The following SDK1 variants were observed in gnomAD, a reference collection of about 807,000 sequenced individuals.
SDK1 encodes protein sidekick-1.
A neutral mutation model predicts 245.5 loss-of-function variants in SDK1; 157 were observed. The ratio of observed to expected loss-of-function variants is 0.64; its 90% CI spans 0.56 to 0.73. SDK1 has a LOEUF of 0.73. Ranked by LOEUF, SDK1 falls within the 30% of genes least tolerant of loss-of-function variation. The pLI is 0.00. For synonymous variants in SDK1, 1,647 were observed against 1,278.5 expected, an observed-to-expected ratio of 1.29 and a Z score of -6.15; for missense variants, 3,583 against 3,002.3, an observed-to-expected ratio of 1.19 and a Z score of -4.52.
intron 22 of SDK1, among the ~76,000 whole-genome samples, chr7:4,090,473 A>G (rs77146473): frequency 0.039 from 5,977 of 152,228 alleles, 360 homozygotes; most frequent in African/African-American, 0.13. Context: ...ATTTTGGGTA[A>G]CAGATTTTAA....
chr7:4,234,192 G>C (rs956876937), intron 41 of SDK1, among the ~76,000 whole-genome samples: 1 of 152,210 alleles, frequency 6.6e-6, no homozygotes, highest in African/African-American at 2.4e-5. Context: ...AAGGTGAGCA[G>C]TATTGCCGTC....
At chr7:4,188,408 C>G (rs1783009233) in intron 35 of SDK1, among the ~76,000 whole-genome samples, 1 of 152,166 alleles carries the variant, frequency 6.6e-6, no homozygotes, top group Non-Finnish European at 1.5e-5. Context: ...GGGCTTTGCT[C>G]AGGGGATTCT....
chr7:3,908,561 C>T (rs1385588286), intron 5 of SDK1, among the ~76,000 whole-genome samples: 2 of 152,104 alleles, frequency 1.3e-5, no homozygotes, highest in African/African-American at 4.8e-5. Context: ...GATGCTTAGC[C>T]CATCTGGTAC....
intron 4 of SDK1, among the ~76,000 whole-genome samples, chr7:3,658,609 CTTTTTTTTTTTT>C (rs71029690): frequency 2.0e-5 from 2 of 101,964 alleles, no homozygotes; most frequent in African/African-American, 3.8e-5. Flanking sequence ...CTACTATCTT[CTTTTTTTTTTTT>C]TTTTTTTTGA....
At chr7:3,411,420 CAT>C (rs1779197052) in intron 1 of SDK1, among the ~76,000 whole-genome samples, 1 of 152,164 alleles carries the variant, frequency 6.6e-6, no homozygotes. Flanking sequence ...GATCCAATAA[CAT>C]AGATGAATCA....
intron 14 of SDK1, among the ~76,000 whole-genome samples, chr7:4,001,915 A>G (rs142263918): frequency 2.6e-5 from 4 of 152,138 alleles, no homozygotes; most frequent in African/African-American, 7.2e-5. Context: ...CTCTCTCACA[A>G]TGTTCTTTTC....
chr7:4,170,819 G>A (rs901838630), intron 32 of SDK1, among the ~76,000 whole-genome samples: 15 of 152,238 alleles, frequency 9.9e-5, no homozygotes, highest in Admixed American at 5.2e-4. Context: ...CAGGACTGGC[G>A]GCCCGGCATG....
intron 1 of SDK1, among the ~76,000 whole-genome samples, chr7:3,428,649 T>C (rs905125684): frequency 6.6e-6 from 1 of 152,224 alleles, no homozygotes; most frequent in Non-Finnish European, 1.5e-5. Context: ...GTGCTTAGCT[T>C]GGGCTAACCA....
At position 4,220,264 on chromosome 7, in the gene SDK1, G is replaced by A; in HGVS notation, c.5695G>A (p.Ala1899Thr). Reference sequence around the variant, plus strand: ...CCAAGCCAATATCACAGCCGGGCCAGCCGAGGGTAAGTGGAACTCCAGGGG... The same window carrying A: ...CCAAGCCAATATCACAGCCGGGCCAACCGAGGGTAAGTGGAACTCCAGGGG... ...ELQANITAGPAEGSPGSPRDV... is the reference protein window; with the variant it reads ...ELQANITAGPTEGSPGSPRDV... Residue 1899 changes from alanine to threonine, a missense_variant, in exon 39 of 45, where the codon GCC (alanine) becomes ACC (threonine). Coordinates refer to ENST00000404826, the MANE Select transcript of SDK1 (RefSeq NM_152744.4). The A allele has an allele frequency of 6.2e-7, 1 of 1,613,266 alleles. No homozygotes were observed. The highest frequency in any genetic ancestry group is 8.5e-7 in the Non-Finnish European group (1 of 1,179,598).
intron 1 of SDK1, among the ~76,000 whole-genome samples, chr7:3,532,670 G>T (rs1783387742): frequency 6.6e-6 from 1 of 152,156 alleles, no homozygotes; most frequent in South Asian, 2.1e-4. Context: ...AATAAAGAAG[G>T]CTCTGTTATT....
chr7:4,157,180 G>A (rs1428957809), intron 30 of SDK1, among the ~76,000 whole-genome samples: 1 of 152,066 alleles, frequency 6.6e-6, no homozygotes, highest in Non-Finnish European at 1.5e-5. Context: ...GAGTTTGGCT[G>A]AAGTCTTAGT....
intron 1 of SDK1, among the ~76,000 whole-genome samples, chr7:3,386,581 T>G (rs994778883): frequency 2.6e-5 from 4 of 152,230 alleles, no homozygotes; most frequent in African/African-American, 9.6e-5. Flanking sequence ...AAGTAGACTT[T>G]CTGAGCTTCT....
At chr7:3,660,762 A>G (rs2128659272) in intron 4 of SDK1, among the ~76,000 whole-genome samples, 1 of 152,362 alleles carries the variant, frequency 6.6e-6, no homozygotes, top group Non-Finnish European at 1.5e-5. Flanking sequence ...CGCTGACGGA[A>G]CTGCACTGTT....
chr7:3,807,486 C>T (rs963054464), intron 4 of SDK1, among the ~76,000 whole-genome samples: 1 of 152,116 alleles, frequency 6.6e-6, no homozygotes, highest in Non-Finnish European at 1.5e-5. Flanking sequence ...TTTGTGATCC[C>T]CTCTACCATA....
chr7:3,381,921 C>A (rs1203544400), intron 1 of SDK1, among the ~76,000 whole-genome samples: 2 of 151,992 alleles, frequency 1.3e-5, no homozygotes, highest in Non-Finnish European at 2.9e-5. Context: ...TGAATGATAC[C>A]TACTAGTACT....
chr7:3,489,181 G>C (rs1011658052), intron 1 of SDK1, among the ~76,000 whole-genome samples: 4 of 152,074 alleles, frequency 2.6e-5, no homozygotes, highest in African/African-American at 9.7e-5. Context: ...GCTAGGGGTG[G>C]GTGCAGGCAG....
intron 1 of SDK1, among the ~76,000 whole-genome samples, chr7:3,548,408 C>G (rs1206069037): frequency 6.6e-6 from 1 of 152,174 alleles, no homozygotes; most frequent in Non-Finnish European, 1.5e-5. Context: ...TACTCCAAAA[C>G]TACTGAGCTA....
chr7:4,189,179 C>T (rs1343853367), intron 35 of SDK1, among the ~76,000 whole-genome samples: 1 of 152,168 alleles, frequency 6.6e-6, no homozygotes, highest in Non-Finnish European at 1.5e-5. Context: ...CTGGCTGTCC[C>T]TCTGGCACGG....
intron 5 of SDK1, among the ~76,000 whole-genome samples, chr7:3,893,776 C>A (rs1229472348): frequency 6.6e-6 from 1 of 151,840 alleles, no homozygotes; most frequent in East Asian, 1.9e-4. Context: ...CTTACCCTGC[C>A]TTCTCCAGGT....
Sources: allele counts gnomAD v4.1 joint callset (sites outside exome capture counted in the v4.1 genomes callset), GRCh38; gene constraint gnomAD v4.1.1; transcripts MANE v1.5; gene names NCBI Gene and HGNC (gene_info 2026-07-23, HGNC 2026-07-21).